The following RAD51B variants were observed in gnomAD, a reference collection of about 807,000 sequenced individuals.
RAD51B encodes RAD51 paralog B, also known as DNA repair protein RAD51 homolog 2.
In RAD51B, 38 loss-of-function variants were observed where a neutral mutation model predicts 42.2. That is an observed-to-expected ratio of 0.90 (90% CI 0.70 to 1.18). The LOEUF is 1.18. Among genes scored for constraint, RAD51B ranks in the 50% most tolerant of loss-of-function variants. The probability of loss-of-function intolerance (pLI) is 0.00; values close to 1 mark genes in which losing one functional copy is unlikely to be tolerated. For synonymous variants in RAD51B, 154 were observed against 145.2 expected (o/e 1.06, Z -0.43); for missense variants, 373 against 400.7 (o/e 0.93, Z 0.59).
intron 7 of RAD51B, among the ~76,000 whole-genome samples, chr14:68,205,997 CTCCAGCATAGGA>C (rs1189481471): frequency 6.6e-6 from 1 of 152,132 alleles, no homozygotes; most frequent in African/African-American, 2.4e-5. Context: ...CACTTTTTCC[CTCCAGCATAGGA>C]TCCAGCATAG....
chr14:68,598,736 G>A (rs1043962858), downstream of RAD51B, among the ~76,000 whole-genome samples: 16 of 152,226 alleles, frequency 1.1e-4, no homozygotes, highest in Admixed American at 9.2e-4. Flanking sequence ...TCCAGAAGAC[G>A]GAGGCGGGGA....
intron 9 of RAD51B, among the ~76,000 whole-genome samples, chr14:68,444,812 G>A (rs771286266): frequency 6.6e-6 from 1 of 152,164 alleles, no homozygotes; most frequent in Non-Finnish European, 1.5e-5. Context: ...TGATGGGGGG[G>A]CATATTTCTG....
At chr14:68,198,668 A>G (rs1211141364) in intron 7 of RAD51B, among the ~76,000 whole-genome samples, 1 of 152,194 alleles carries the variant, frequency 6.6e-6, no homozygotes, top group Admixed American at 6.5e-5. Flanking sequence ...TTGAATGACT[A>G]TGAATAAATT....
chr14:67,851,377 G>A (rs1195353127), intron 4 of RAD51B, among the ~76,000 whole-genome samples: 1 of 141,288 alleles, frequency 7.1e-6, no homozygotes, highest in African/African-American at 3.1e-5. Flanking sequence ...GGGAGCCCTA[G>A]GGAAGATCAC....
chr14:67,868,840 C>T (rs1439937293), intron 5 of RAD51B, among the ~76,000 whole-genome samples: 3 of 145,756 alleles, frequency 2.1e-5, no homozygotes, highest in Non-Finnish European at 4.6e-5. Context: ...ACACCTCACA[C>T]GGCCGGGTAC....
At chr14:68,629,405 G>A (rs996135622) in intron 10 of RAD51B, among the ~76,000 whole-genome samples, 1 of 152,206 alleles carries the variant, frequency 6.6e-6, no homozygotes, top group Non-Finnish European at 1.5e-5. Context: ...GGTAGAGAAA[G>A]CACTGCATTT....
chr14:68,573,258 G>C (rs367990499), intron 10 of RAD51B, among the ~76,000 whole-genome samples: 3 of 151,978 alleles, frequency 2.0e-5, no homozygotes, highest in African/African-American at 7.3e-5. Flanking sequence ...CCACGTGGTC[G>C]AGCCCTGCTC....
At chr14:68,108,464 G>A (rs576114993) in intron 7 of RAD51B, among the ~76,000 whole-genome samples, 2 of 152,068 alleles carry the variant, frequency 1.3e-5, no homozygotes, top group South Asian at 2.1e-4. Context: ...TGATACATGC[G>A]TCAACATGGA....
intron 7 of RAD51B, among the ~76,000 whole-genome samples, chr14:68,241,264 C>T (rs903591762): frequency 2.6e-5 from 4 of 152,282 alleles, no homozygotes; most frequent in African/African-American, 4.8e-5. Flanking sequence ...GTCAATCAGG[C>T]GGGCGTGGTG....
chr14:68,586,171 G>T, intron 10 of RAD51B, among the ~76,000 whole-genome samples: 1 of 152,024 alleles, frequency 6.6e-6, no homozygotes, highest in East Asian at 1.9e-4. Context: ...GCAGAGCTGC[G>T]ATAGTCCTGT....
chr14:68,382,160 T>C (rs1036147155), intron 8 of RAD51B, among the ~76,000 whole-genome samples: 2 of 152,266 alleles, frequency 1.3e-5, no homozygotes, highest in Non-Finnish European at 2.9e-5. Flanking sequence ...CTGGGCGCTA[T>C]TGGCGTTTTG....
intron 7 of RAD51B, among the ~76,000 whole-genome samples, chr14:67,904,352 T>C (rs1005355392): frequency 2.0e-5 from 3 of 152,122 alleles, no homozygotes; most frequent in Non-Finnish European, 4.4e-5. Flanking sequence ...CTAAACTTAT[T>C]AACATTCCTA....
chr14:68,120,221 C>T (rs1240409977), intron 7 of RAD51B, among the ~76,000 whole-genome samples: 1 of 151,440 alleles, frequency 6.6e-6, no homozygotes, highest in Admixed American at 6.6e-5. Context: ...GGATATTAGC[C>T]CTTTGTCAGA....
chr14:68,393,359 G>A (rs1171602657), intron 8 of RAD51B, among the ~76,000 whole-genome samples: 1 of 152,152 alleles, frequency 6.6e-6, no homozygotes, highest in Non-Finnish European at 1.5e-5. Context: ...TTCTATGTCG[G>A]ATTCAGCCCG....
intron 11 of RAD51B, among the ~76,000 whole-genome samples, chr14:68,659,251 CT>C (rs1180043659): frequency 6.6e-6 from 1 of 152,234 alleles, no homozygotes; most frequent in African/African-American, 2.4e-5. Flanking sequence ...GCTGGGCCAC[CT>C]TCTGGTCTGT....
intron 9 of RAD51B, among the ~76,000 whole-genome samples, chr14:68,439,630 G>A (rs906902554): frequency 6.6e-6 from 1 of 152,128 alleles, no homozygotes; most frequent in Non-Finnish European, 1.5e-5. Flanking sequence ...CTCAGAGTTG[G>A]GCTCCTGGCC....
intron 11 of RAD51B, among the ~76,000 whole-genome samples, chr14:68,673,087 A>G (rs1893194009): frequency 6.6e-6 from 1 of 152,190 alleles, no homozygotes; most frequent in African/African-American, 2.4e-5. Context: ...CATGCACAAA[A>G]TCCTGTAGTC....
intron 10 of RAD51B, among the ~76,000 whole-genome samples, chr14:68,647,606 T>A (rs1017207028): frequency 2.6e-5 from 4 of 152,214 alleles, no homozygotes; most frequent in African/African-American, 9.6e-5. Flanking sequence ...AGAATTAAGA[T>A]GAATACACAC....
chr14:67,835,216 T>G lies in RAD51B; in HGVS notation c.315+20T>G. The G allele has an allele frequency of 6.5e-7, 1 of 1,545,924 alleles. No homozygotes were observed. Among genetic ancestry groups the G allele is most frequent in the Non-Finnish European group, 8.9e-7 (1 of 1,119,002 alleles). ...ACAGAGGTAAAGGAAAAATTTTTCG[T>G]ACCTTCTTCCATTGACCTATAACCT... On this transcript the variant is annotated intron_variant, in intron 4 of 10. Coordinates refer to ENST00000471583, the MANE Select transcript of RAD51B (RefSeq NM_133510.4).
Sources: allele counts gnomAD v4.1 joint callset (sites outside exome capture counted in the v4.1 genomes callset), GRCh38; gene constraint gnomAD v4.1.1; transcripts MANE v1.5; gene names NCBI Gene and HGNC (gene_info 2026-07-23, HGNC 2026-07-21).